Variants in CDC73 observed in about 807,000 individuals in gnomAD.
CDC73 encodes parafibromin.
A neutral mutation model predicts 83.7 loss-of-function variants in CDC73; 21 were observed. That is an observed-to-expected ratio of 0.25 (90% CI 0.18 to 0.36). The LOEUF is 0.36. Ranked by LOEUF, CDC73 falls within the 10% of genes least tolerant of loss-of-function variation. CDC73 has a pLI of 1.00. For synonymous variants in CDC73, 224 were observed against 212.9 expected, an observed-to-expected ratio of 1.05 and a Z score of -0.45; for missense variants, 342 against 653.3, an observed-to-expected ratio of 0.52 and a Z score of 5.19.
chr1:193,208,723 C>T (rs977992878), intron 11 of CDC73, among the ~76,000 whole-genome samples: 1 of 151,980 alleles, frequency 6.6e-6, no homozygotes, highest in African/African-American at 2.4e-5. Context: ...ATGAATTGGT[C>T]TCTGCATATA....
intron 7 of CDC73, among the ~76,000 whole-genome samples, chr1:193,144,327 A>T (rs1369669078): frequency 1.4e-5 from 2 of 146,368 alleles, no homozygotes; most frequent in South Asian, 4.1e-4. Context: ...AATAAAAAGG[A>T]GATCACTAGA....
At chr1:193,225,843 A>G (rs1244879139) in intron 13 of CDC73, among the ~76,000 whole-genome samples, 1 of 151,582 alleles carries the variant, frequency 6.6e-6, no homozygotes, top group African/African-American at 2.4e-5. Flanking sequence ...TTTTTCTCCC[A>G]CTCTGTGAGT....
chr1:193,249,179 T>C (rs1350020990), intron 15 of CDC73, among the ~76,000 whole-genome samples: 1 of 151,968 alleles, frequency 6.6e-6, no homozygotes. Flanking sequence ...TCAACAGCCA[T>C]CAACATTGAG....
intron 2 of CDC73, among the ~76,000 whole-genome samples, chr1:193,126,635 T>G (rs1483786806): frequency 6.6e-6 from 1 of 152,214 alleles, no homozygotes; most frequent in Non-Finnish European, 1.5e-5. Flanking sequence ...AAGATATAAT[T>G]GAAATAATTA....
At chr1:193,130,831 C>T (rs765071862) in intron 3 of CDC73, among the ~76,000 whole-genome samples, 14 of 152,192 alleles carry the variant, frequency 9.2e-5, no homozygotes, top group Non-Finnish European at 1.8e-4. Flanking sequence ...GCATTTGATA[C>T]TGTTGACCAC....
intron 10 of CDC73, chr1:193,180,559 C>T (rs769360180): frequency 1.9e-6 from 3 of 1,614,062 alleles, no homozygotes; most frequent in South Asian, 1.1e-5. Flanking sequence ...GTGCAAACGG[C>T]GGATACCTAA....
rs899561312 is a variant in CDC73 at position 193,250,814 on chromosome 1, T to G, written c.*102T>G. On this transcript the variant is annotated 3_prime_UTR_variant, in exon 17 of 17. Transcript: ENST00000367435. ...TCACAGATTGATCTTTTATAAGACC[T>G]TATTTGATGCTTTGTGCTTCAAGGA... 3.8e-6 allele frequency: 4 copies of G among 1,039,300 alleles called. No individual in the cohort carries two copies. The African/African-American group carries it at 4.7e-5, about 12-fold the overall frequency. The allele number at this position is 1,039,300 out of a possible 1,614,324, so 64.4% of individuals were successfully genotyped here. A position where few individuals can be genotyped will look rare whatever the true frequency, so the allele number is the denominator to read the frequency against.
chr1:193,145,844 A>G (rs1429494598), intron 7 of CDC73, among the ~76,000 whole-genome samples: 1 of 152,232 alleles, frequency 6.6e-6, no homozygotes. Flanking sequence ...TTTATTTAAC[A>G]TCTACAAACT....
chr1:193,124,327 GGTT>G (rs1167174575), intron 1 of CDC73, among the ~76,000 whole-genome samples: 1 of 152,110 alleles, frequency 6.6e-6, no homozygotes. Flanking sequence ...GAAAAAATAT[GGTT>G]GTTAACTATT....
rs189676975 is a variant in CDC73 at position 193,188,047 on chromosome 1, A to G, written c.973-15748A>G. Reference sequence around the variant, plus strand: ...TTACTTAAAATAACTTATTTTCCAGAAGTACAGATGTGTTTTTGTAGATCA... The same window carrying G: ...TTACTTAAAATAACTTATTTTCCAGGAGTACAGATGTGTTTTTGTAGATCA... On this transcript the variant is annotated intron_variant, in intron 10 of 16. Coordinates refer to ENST00000367435, the MANE Select transcript of CDC73 (RefSeq NM_024529.5). 1.4e-3 allele frequency among the ~76,000 whole-genome samples: 211 copies of G among 152,316 alleles called. 1 individual carries two copies. The highest frequency in any genetic ancestry group is 4.9e-3 in the African/African-American group (205 of 41,570).
Position 193,236,323 on chromosome 1 carries a change from C to T in CDC73, c.1384C>T (p.Pro462Ser), listed in dbSNP as rs1199579887. The T allele has an allele frequency of 1.4e-5, 22 of 1,612,216 alleles. No individual in the cohort carries two copies. The highest frequency in any genetic ancestry group is 1.9e-5 in the Non-Finnish European group (22 of 1,178,282). The part of the protein sequence containing the change: ...WQFKGWPWLL[P>S]DGSPVDIFAK... ...GTTCAAAGGTTGGCCATGGCTTTTG[C>T]CTGATGGATCACCAGTTGATATATT... The change falls in exon 15 of 17, where the codon CCT (proline) becomes TCT (serine). Residue 462 changes from proline to serine, a missense_variant. Physicochemically the swap from Pro to Ser is moderately conservative, Grantham distance 74. This residue lies in a region of CDC73 where 239 missense variants were observed against 420.6 expected (regional missense o/e 0.57). Coordinates refer to ENST00000367435, the MANE Select transcript of CDC73 (RefSeq NM_024529.5).
At chr1:193,145,854 T>C (rs762988507) in intron 7 of CDC73, among the ~76,000 whole-genome samples, 24 of 152,202 alleles carry the variant, frequency 1.6e-4, no homozygotes, top group Non-Finnish European at 3.1e-4. Flanking sequence ...ATCTACAAAC[T>C]AGGCAAGTGC....
chr1:193,156,353 A>G (rs972314780), intron 10 of CDC73, among the ~76,000 whole-genome samples: 4 of 152,120 alleles, frequency 2.6e-5, no homozygotes, highest in Admixed American at 1.3e-4. Flanking sequence ...TACTGTCTTC[A>G]TTTTTGCGGA....
intron 10 of CDC73, among the ~76,000 whole-genome samples, chr1:193,192,825 G>A (rs1393447315): frequency 6.6e-6 from 1 of 152,184 alleles, no homozygotes. Context: ...TAATTAATCT[G>A]GTCACCCTCC....
At chr1:193,226,909 A>G (rs1677575730) in intron 13 of CDC73, among the ~76,000 whole-genome samples, 1 of 152,026 alleles carries the variant, frequency 6.6e-6, no homozygotes, top group African/African-American at 2.4e-5. Flanking sequence ...TCTTCTTCCA[A>G]TGTCTGATAC....
At chr1:193,220,852 A>G (rs1043852425) in intron 13 of CDC73, among the ~76,000 whole-genome samples, 16 of 152,192 alleles carry the variant, frequency 1.1e-4, no homozygotes, top group African/African-American at 3.9e-4. Context: ...CTTGAAATAG[A>G]TATGATAATA....
At position 193,136,494 on chromosome 1, in the gene CDC73, T is replaced by C. The variant is rs775261011; in HGVS notation, c.423+905T>C. 2.4e-5 allele frequency: 7 copies of C among 288,686 alleles called. No individual in the cohort carries two copies. The East Asian group carries it at 5.2e-4, about 21-fold the overall frequency. 17.9% of individuals were successfully genotyped at this position (288,686 alleles called of 1,614,324 possible). ...TAAGTACTTTATATGTATTAACTCA[T>C]GTAATCGTATTTGCTCATAGATGAT... On this transcript the variant is annotated intron_variant, in intron 5 of 16. Transcript: ENST00000367435.
intron 10 of CDC73, among the ~76,000 whole-genome samples, chr1:193,172,244 T>TC (rs2103150782): frequency 6.6e-6 from 1 of 151,792 alleles, no homozygotes; most frequent in South Asian, 2.1e-4. Context: ...TACCTTTTTT[T>TC]TTTTTTTTTT....
intron 1 of CDC73, among the ~76,000 whole-genome samples, chr1:193,123,791 AGAG>A (rs943077067): frequency 6.6e-6 from 1 of 152,210 alleles, no homozygotes; most frequent in African/African-American, 2.4e-5. Context: ...TAGTCTGAAT[AGAG>A]GAGATTAAAC....
Sources: gnomAD v4.1 joint callset for allele counts (sites outside exome capture counted in the v4.1 genomes callset) on GRCh38, gnomAD v4.1.1 for gene constraint, gnomAD v4.1.1 regional missense constraint, MANE v1.5 for transcripts, NCBI Gene and HGNC (gene_info 2026-07-23, HGNC 2026-07-21) for gene names.